The following FLRT1 variants were observed in gnomAD, a reference collection of about 807,000 sequenced individuals.
The protein encoded by FLRT1 is fibronectin leucine rich transmembrane protein 1.
A neutral mutation model predicts 30.9 loss-of-function variants in FLRT1; 14 were observed. That is an observed-to-expected ratio of 0.45 (90% CI 0.30 to 0.71). The LOEUF (loss-of-function observed/expected upper bound fraction) is 0.71, where lower values mean the gene tolerates loss of function less well. Among genes scored for constraint, FLRT1 ranks in the 30% least tolerant of loss-of-function variants. FLRT1 has a pLI of 0.08. For synonymous variants in FLRT1, 368 were observed against 430.4 expected, an observed-to-expected ratio of 0.85 and a Z score of 1.80; for missense variants, 737 against 949.2, an observed-to-expected ratio of 0.78 and a Z score of 2.94.
At chr11:64,112,329 T>G (rs181024749) in intron 2 of FLRT1, among the ~76,000 whole-genome samples, 1 of 151,986 alleles carries the variant, frequency 6.6e-6, no homozygotes, top group East Asian at 1.9e-4. Flanking sequence ...CTGGCCAACA[T>G]GGTGAGACCC....
chr11:64,080,885 TGAG>T (rs1206572777), intron 1 of FLRT1, among the ~76,000 whole-genome samples: 1 of 152,196 alleles, frequency 6.6e-6, no homozygotes, highest in Non-Finnish European at 1.5e-5. Context: ...TTTCTGGCAC[TGAG>T]GACTCGGGCT....
intron 1 of FLRT1, among the ~76,000 whole-genome samples, chr11:64,069,475 T>A (rs1336232951): frequency 6.6e-6 from 1 of 152,104 alleles, no homozygotes; most frequent in Admixed American, 6.5e-5. Flanking sequence ...GCCAGTCTGG[T>A]CCCCTTTAGC....
intron 1 of FLRT1, among the ~76,000 whole-genome samples, chr11:64,041,662 CCA>C (rs1943490063): frequency 6.6e-6 from 1 of 152,108 alleles, no homozygotes; most frequent in African/African-American, 2.4e-5. Flanking sequence ...AGTGGAGGGT[CCA>C]GCCTGCCCAT....
At chr11:64,085,731 T>C (rs542080388) in intron 1 of FLRT1, among the ~76,000 whole-genome samples, 1 of 152,138 alleles carries the variant, frequency 6.6e-6, no homozygotes, top group Admixed American at 6.5e-5. Context: ...CAGGAGGAAG[T>C]TCAGTGTTGT....
chr11:64,060,980 G>C (rs376305498), intron 1 of FLRT1, among the ~76,000 whole-genome samples: 1 of 151,920 alleles, frequency 6.6e-6, no homozygotes, highest in Non-Finnish European at 1.5e-5. Flanking sequence ...CCAGGCGACC[G>C]GGCGGGCCGG....
At position 64,117,385 on chromosome 11, in the gene FLRT1, G is replaced by A. The variant is rs750357914; in HGVS notation, c.1118G>A (p.Ser373Asn). The A allele has an allele frequency of 1.2e-6, 2 of 1,612,282 alleles. No homozygotes were observed. The highest frequency in any genetic ancestry group is 1.7e-6 in the Non-Finnish European group (2 of 1,178,648). Reference sequence around the variant, plus strand: ...GGCATGGCCATCAAGGACATTACCAGCGAGATGGACGAGTGTTTTGAGACG... The same window carrying A: ...GGCATGGCCATCAAGGACATTACCAACGAGATGGACGAGTGTTTTGAGACG... ...VRGMAIKDIT[S>N]EMDECFETGP... Residue 373 changes from serine to asparagine, a missense_variant, in exon 3 of 3, where the codon AGC becomes AAC. Physicochemically the swap from Ser to Asn is conservative, Grantham distance 46. Coordinates refer to ENST00000682287, the MANE Select transcript of FLRT1 (RefSeq NM_013280.5).
In FLRT1 at chr11:64,082,726, C is replaced by G. The variant is rs1345018071; in HGVS notation, c.-1037-20468C>G. Among the ~76,000 whole-genome samples the G allele has an allele frequency of 6.6e-6, 1 of 152,162 alleles. No homozygotes were observed. Among genetic ancestry groups the G allele is most frequent in the African/African-American group, 2.4e-5 (1 of 41,424 alleles). On this transcript the variant is annotated intron_variant, in intron 1 of 2. Coordinates refer to ENST00000682287, the MANE Select transcript of FLRT1 (RefSeq NM_013280.5). The surrounding 1 kb of genome is among the most constrained non-coding windows in gnomAD (Gnocchi z 4.5). Reference sequence around the variant, plus strand: ...GTCTCACACAAGGAATGTGGAGCATCCTCCTGAGAGGACTCAGAGGGGATT... The same window carrying G: ...GTCTCACACAAGGAATGTGGAGCATGCTCCTGAGAGGACTCAGAGGGGATT...
intron 1 of FLRT1, among the ~76,000 whole-genome samples, chr11:64,044,815 T>C (rs938431575): frequency 6.6e-6 from 1 of 152,156 alleles, no homozygotes; most frequent in Non-Finnish European, 1.5e-5. Context: ...CCAGGACCTC[T>C]GAGCTGTCTC....
chr11:64,055,463 C>A (rs980700896), intron 1 of FLRT1, among the ~76,000 whole-genome samples: 4 of 152,012 alleles, frequency 2.6e-5, no homozygotes, highest in African/African-American at 9.7e-5. Flanking sequence ...CTCCTGGGGC[C>A]CAGGGTCTGC....
At position 64,067,202 on chromosome 11, in the gene FLRT1, T is replaced by C. The variant is rs1001991227; in HGVS notation, c.-1038+31043T>C. On this transcript the variant is annotated intron_variant, in intron 1 of 2. Transcript: ENST00000682287. This position sits in a 1 kb window ranked among gnomAD's most constrained non-coding sequence, Gnocchi z 4.6. ...GTAGGCACATGCGGCTCCAAGGAGA[T>C]GGCAGATGGGAGGGGTGGGGAGAGG... is the stretch of plus-strand genomic sequence containing the variant. Among the ~76,000 whole-genome samples the C allele has an allele frequency of 6.6e-6, 1 of 151,834 alleles. No individual in the cohort carries two copies. The highest frequency in any genetic ancestry group is 1.5e-5 in the Non-Finnish European group (1 of 67,940).
chr11:64,076,678 C>A (rs1178422234), intron 1 of FLRT1, among the ~76,000 whole-genome samples: 2 of 152,196 alleles, frequency 1.3e-5, no homozygotes, highest in Non-Finnish European at 2.9e-5. Context: ...TAAGAACACA[C>A]AGCTCAGAAA....
At chr11:64,063,806 C>T (rs1265723753) in intron 1 of FLRT1, among the ~76,000 whole-genome samples, 2 of 152,294 alleles carry the variant, frequency 1.3e-5, no homozygotes, top group East Asian at 1.9e-4. Flanking sequence ...ATGAGACAGC[C>T]GAACAGGAGC....
chr11:64,082,801 CCT>C lies in FLRT1; in HGVS notation c.-1037-20392_-1037-20391del, dbSNP rs1037806297. Among the ~76,000 whole-genome samples the C allele has an allele frequency of 7.2e-5, 11 of 152,184 alleles. No homozygotes were observed. The highest frequency in any genetic ancestry group is 2.1e-4 in the South Asian group (1 of 4,834). ...CTGAAAGTCACCTGCTCCCATTTCCCCTGTTTCCCTCAGCTCAGACATCACCA... is the reference window on the plus strand; with the variant it reads ...CTGAAAGTCACCTGCTCCCATTTCCCGTTTCCCTCAGCTCAGACATCACCA... On this transcript the variant is annotated intron_variant, in intron 1 of 2. Coordinates refer to ENST00000682287, the MANE Select transcript of FLRT1 (RefSeq NM_013280.5). This position sits in a 1 kb window ranked among gnomAD's most constrained non-coding sequence, Gnocchi z 4.5.
At position 64,116,238 on chromosome 11, in the gene FLRT1, G is replaced by A. The variant is rs1015406901; in HGVS notation, c.-30G>A. 8.2e-6 allele frequency: 13 copies of A among 1,577,766 alleles called. No homozygotes were observed. Among genetic ancestry groups the A allele is most frequent in the South Asian group, 1.1e-5 (1 of 87,180 alleles). ...TTGCAGGTATTCAGGCTCCAGGCCAGGTGGGGCCGGACGCCCCCAGCCATC... is the reference window on the plus strand; with the variant it reads ...TTGCAGGTATTCAGGCTCCAGGCCAAGTGGGGCCGGACGCCCCCAGCCATC... On this transcript the variant is annotated 5_prime_UTR_variant, in exon 3 of 3. Transcript: ENST00000682287.
Position 64,096,107 on chromosome 11 carries a change from G to A in FLRT1, c.-1037-7087G>A, listed in dbSNP as rs1425789772. On this transcript the variant is annotated intron_variant, in intron 1 of 2. Transcript: ENST00000682287. This position sits in a 1 kb window ranked among gnomAD's most constrained non-coding sequence, Gnocchi z 4.6. ...CCACTTCACAGCCAGGCTGCCAGGA[G>A]ACGCTGTGAGAGTGCCCAGACCCTG... Among the ~76,000 whole-genome samples, 1 of 152,260 alleles carries A rather than the reference G, an allele frequency of 6.6e-6. No individual in the cohort carries two copies. The highest frequency in any genetic ancestry group is 1.5e-5 in the Non-Finnish European group (1 of 68,044).
In FLRT1 at chr11:64,082,519, T is replaced by A. The variant is rs1177672927; in HGVS notation, c.-1037-20675T>A. On this transcript the variant is annotated intron_variant, in intron 1 of 2. Transcript: ENST00000682287. The surrounding 1 kb of genome is among the most constrained non-coding windows in gnomAD (Gnocchi z 4.5). Reference sequence around the variant, plus strand: ...TCCCAGGGGGTGAAACAAGGCTCGGTGCCTAACGGTGGTGGCCGTGGGAGT... The same window carrying A: ...TCCCAGGGGGTGAAACAAGGCTCGGAGCCTAACGGTGGTGGCCGTGGGAGT... 6.6e-6 allele frequency among the ~76,000 whole-genome samples: 1 copy of A among 151,746 alleles called. No homozygotes were observed. Among genetic ancestry groups the A allele is most frequent in the Non-Finnish European group, 1.5e-5 (1 of 67,904 alleles).
At chr11:64,058,809 C>T (rs1035545292) in intron 1 of FLRT1, among the ~76,000 whole-genome samples, 3 of 152,104 alleles carry the variant, frequency 2.0e-5, no homozygotes, top group African/African-American at 2.4e-5. Flanking sequence ...TCCTCTCTGA[C>T]GGGTGGGAGG....
chr11:64,107,862 T>C (rs1396665685), intron 2 of FLRT1, among the ~76,000 whole-genome samples: 1 of 152,176 alleles, frequency 6.6e-6, no homozygotes, highest in African/African-American at 2.4e-5. Flanking sequence ...AAAGCCCCAC[T>C]CACACGACTC....
At chr11:64,097,440 G>A (rs1262684938) in intron 1 of FLRT1, among the ~76,000 whole-genome samples, 5 of 152,204 alleles carry the variant, frequency 3.3e-5, no homozygotes, top group South Asian at 2.1e-4. Flanking sequence ...AGTGGGCCCC[G>A]CACCCCTGAA....
Sources: gnomAD v4.1 joint callset for allele counts (sites outside exome capture counted in the v4.1 genomes callset) on GRCh38, gnomAD v4.1.1 for gene constraint, Gnocchi (gnomAD v3.1) non-coding constraint, MANE v1.5 for transcripts, NCBI Gene and HGNC (gene_info 2026-07-23, HGNC 2026-07-21) for gene names.